Variants in UBE2E2 observed in about 807,000 individuals in gnomAD.
UBE2E2 encodes ubiquitin conjugating enzyme E2 E2.
UBE2E2 carries 6 observed loss-of-function variants against 24.7 expected under a neutral mutation model. The ratio of observed to expected loss-of-function variants is 0.24; its 90% confidence interval spans 0.13 to 0.48. The LOEUF is 0.48. UBE2E2 is among the 20% of genes least tolerant of loss of function. UBE2E2 has a pLI of 0.99. For missense variants in UBE2E2, 169 were observed against 245.0 expected (o/e 0.69, Z 2.07); for synonymous variants, 104 against 83.6 (o/e 1.24, Z -1.33).
At chr3:23,354,244 G>T (rs1378820673) in intron 3 of UBE2E2, among the ~76,000 whole-genome samples, 1 of 151,994 alleles carries the variant, frequency 6.6e-6, no homozygotes, top group Non-Finnish European at 1.5e-5. Flanking sequence ...ATTCAAGATG[G>T]ATTAAAGACT....
intron 5 of UBE2E2, among the ~76,000 whole-genome samples, chr3:23,537,527 G>A (rs748560807): frequency 1.3e-5 from 2 of 152,200 alleles, no homozygotes; most frequent in African/African-American, 2.4e-5. Flanking sequence ...CACAGCTGCA[G>A]TTTCATTGGT....
chr3:23,389,407 T>C (rs1696883980), intron 3 of UBE2E2, among the ~76,000 whole-genome samples: 1 of 152,194 alleles, frequency 6.6e-6, no homozygotes, highest in South Asian at 2.1e-4. Flanking sequence ...AGTTGACTGC[T>C]AGAGAGGCCC....
At chr3:23,357,149 A>G (rs1029839133) in intron 3 of UBE2E2, among the ~76,000 whole-genome samples, 1 of 152,216 alleles carries the variant, frequency 6.6e-6, no homozygotes, top group Admixed American at 6.5e-5. Flanking sequence ...GAGTGGGGAA[A>G]TACAACCCTT....
At chr3:23,311,477 C>T (rs1053813931) in intron 3 of UBE2E2, among the ~76,000 whole-genome samples, 3 of 152,152 alleles carry the variant, frequency 2.0e-5, no homozygotes, top group East Asian at 1.9e-4. Flanking sequence ...AATTAGGAAA[C>T]AGTGTAGCTC....
chr3:23,244,587 A>T (rs180779933), intron 3 of UBE2E2, among the ~76,000 whole-genome samples: 1 of 152,172 alleles, frequency 6.6e-6, no homozygotes, highest in Non-Finnish European at 1.5e-5. Context: ...TACAGAGAAG[A>T]TTAGTAAATA....
intron 5 of UBE2E2, among the ~76,000 whole-genome samples, chr3:23,564,406 AT>A (rs985547488): frequency 3.9e-4 from 60 of 152,134 alleles, no homozygotes; most frequent in African/African-American, 1.3e-3. Flanking sequence ...AAAAAGAACT[AT>A]TTTAGAATTT....
chr3:23,329,601 C>CT (rs1695005993), intron 3 of UBE2E2, among the ~76,000 whole-genome samples: 1 of 152,198 alleles, frequency 6.6e-6, no homozygotes, highest in African/African-American at 2.4e-5. Flanking sequence ...TAATTAGATA[C>CT]AACAACTAAT....
intron 5 of UBE2E2, among the ~76,000 whole-genome samples, chr3:23,546,946 T>C (rs1695538384): frequency 6.6e-6 from 1 of 152,296 alleles, no homozygotes; most frequent in South Asian, 2.1e-4. Flanking sequence ...CAGTTATACA[T>C]GCTTTTTTCC....
chr3:23,442,332 A>G (rs1246928666), intron 3 of UBE2E2, among the ~76,000 whole-genome samples: 2 of 151,998 alleles, frequency 1.3e-5, no homozygotes, highest in African/African-American at 4.8e-5. Flanking sequence ...ACTGATGGGT[A>G]TATAGCATTA....
chr3:23,223,602 A>T (rs903473421), intron 3 of UBE2E2, among the ~76,000 whole-genome samples: 1 of 152,122 alleles, frequency 6.6e-6, no homozygotes, highest in Non-Finnish European at 1.5e-5. Flanking sequence ...ATAGTTTGCA[A>T]ATATTTTCTC....
At chr3:23,384,984 G>C (rs1462328750) in intron 3 of UBE2E2, among the ~76,000 whole-genome samples, 1 of 151,190 alleles carries the variant, frequency 6.6e-6, no homozygotes, top group East Asian at 1.9e-4. Context: ...CAGTCTGATT[G>C]CGGTGGCATG....
intron 3 of UBE2E2, among the ~76,000 whole-genome samples, chr3:23,476,079 A>G (rs1281256378): frequency 6.6e-6 from 1 of 151,782 alleles, no homozygotes; most frequent in Non-Finnish European, 1.5e-5. Context: ...CCCTTTCCAT[A>G]TTGTGTTCTG....
chr3:23,551,890 T>C (rs899958564), intron 5 of UBE2E2, among the ~76,000 whole-genome samples: 1 of 152,194 alleles, frequency 6.6e-6, no homozygotes, highest in Admixed American at 6.6e-5. Flanking sequence ...TATTTGGAGA[T>C]AGGGCTTATA....
At chr3:23,257,512 G>GCCCCCCCC (rs5847227) in intron 3 of UBE2E2, among the ~76,000 whole-genome samples, 19 of 31,144 alleles carry the variant, frequency 6.1e-4, no homozygotes, top group Non-Finnish European at 8.9e-4. Flanking sequence ...TGTTTCCCGT[G>GCCCCCCCC]CCCCCCCCCC....
intron 5 of UBE2E2, among the ~76,000 whole-genome samples, chr3:23,556,970 T>C (rs922407496): frequency 5.3e-5 from 8 of 152,212 alleles, no homozygotes; most frequent in Non-Finnish European, 4.4e-5. Context: ...CTAATTGATC[T>C]AAACAATTGC....
At chr3:23,355,153 C>T (rs1178245831) in intron 3 of UBE2E2, among the ~76,000 whole-genome samples, 2 of 150,570 alleles carry the variant, frequency 1.3e-5, no homozygotes, top group Non-Finnish European at 2.9e-5. Context: ...ACCTCATGTT[C>T]TCACTCATAG....
At chr3:23,329,595 T>C (rs1695005645) in intron 3 of UBE2E2, among the ~76,000 whole-genome samples, 1 of 152,246 alleles carries the variant, frequency 6.6e-6, no homozygotes, top group Non-Finnish European at 1.5e-5. Flanking sequence ...GCAAGCTAAT[T>C]AGATACAACA....
chr3:23,542,976 A>G (rs1413828643), intron 5 of UBE2E2, among the ~76,000 whole-genome samples: 1 of 152,214 alleles, frequency 6.6e-6, no homozygotes, highest in East Asian at 1.9e-4. Flanking sequence ...TTTCTTTTAT[A>G]AAGTCCATTG....
At chr3:23,467,184 A>G (rs1455548720) in intron 3 of UBE2E2, among the ~76,000 whole-genome samples, 4 of 152,220 alleles carry the variant, frequency 2.6e-5, no homozygotes, top group Non-Finnish European at 4.4e-5. Context: ...ATCAGGTAAT[A>G]TACAGTACTA....
Sources: allele counts gnomAD v4.1 joint callset (sites outside exome capture counted in the v4.1 genomes callset), GRCh38; gene constraint gnomAD v4.1.1; transcripts MANE v1.5; gene names NCBI Gene and HGNC (gene_info 2026-07-23, HGNC 2026-07-21).